The following CPSF7 variants were observed in gnomAD, a reference collection of about 807,000 sequenced individuals.
The protein encoded by CPSF7 is cleavage and polyadenylation specificity factor subunit 7.
Under a neutral mutation model 44.3 loss-of-function variants are expected in CPSF7, and 1 was observed. That is an observed-to-expected ratio of 0.02 (90% confidence interval 0.01 to 0.11). The LOEUF is 0.11. Among genes scored for constraint, CPSF7 ranks in the 10% least tolerant of loss-of-function variants. The pLI, the probability that CPSF7 is intolerant of heterozygous loss-of-function variation, is 1.00. For missense variants in CPSF7, 443 were observed against 607.2 expected, an observed-to-expected ratio of 0.73 and a Z score of 2.84; for synonymous variants, 202 against 222.0, an observed-to-expected ratio of 0.91 and a Z score of 0.80.
intron 9 of CPSF7, among the ~76,000 whole-genome samples, chr11:61,405,389 A>G (rs1859217694): frequency 6.6e-6 from 1 of 152,230 alleles, no homozygotes; most frequent in South Asian, 2.1e-4. Context: ...CATGACAGCC[A>G]TAGGTGAGGA....
intron 6 of CPSF7, 158 bp from the exon 7 acceptor site, chr11:61,415,942 G>T: frequency 1.2e-6 from 1 of 825,516 alleles, no homozygotes; most frequent in African/African-American, 1.7e-5. Context: ...CCTTAAAAAG[G>T]GGTATAAAGG....
At chr11:61,427,581 AGGC>A (rs1590745656) in intron 2 of CPSF7, among the ~76,000 whole-genome samples, 1 of 148,742 alleles carries the variant, frequency 6.7e-6, no homozygotes, top group East Asian at 2.1e-4. Context: ...TTAACCTGGG[AGGC>A]AGAGGTTGCA....
chr11:61,410,953 C>T lies in CPSF7; in HGVS notation c.1379G>A (p.Arg460Gln), dbSNP rs866029603. The T allele has an allele frequency of 3.1e-6, 5 of 1,608,764 alleles. No individual in the cohort carries two copies. The highest frequency in any genetic ancestry group is 4.5e-5 in the East Asian group (2 of 44,592). ...TTCTCCCCACCTTTCTCAGTGGTGC[C>T]GGTCCCGTTCTCTATCCCGGTGTCT... ...HERHRDRERD[R>Q]HH Residue 460 changes from arginine (R) to glutamine (Q), a missense_variant, in exon 9 of 10, where the codon CGG (arginine) becomes CAG (glutamine). Physicochemically the swap from Arg to Gln is conservative, Grantham distance 43 (BLOSUM62 1). Transcript: ENST00000439958.
intron 7 of CPSF7, 26 bp downstream of exon 7, chr11:61,415,640 G>T: frequency 7.1e-7 from 1 of 1,414,454 alleles, no homozygotes; most frequent in Non-Finnish European, 1.0e-6. Flanking sequence ...TTAAGGAGAA[G>T]GCAGCAAAGG....
intron 5 of CPSF7, among the ~76,000 whole-genome samples, chr11:61,417,104 A>C (rs1860405754): frequency 6.6e-6 from 1 of 152,196 alleles, no homozygotes; most frequent in Non-Finnish European, 1.5e-5. Flanking sequence ...AAGACTAGAC[A>C]ACTGGAGGTT....
chr11:61,429,789 A>G, intron 1 of CPSF7, 125 bp downstream of exon 1: 2 of 1,547,356 alleles, frequency 1.3e-6, no homozygotes. Flanking sequence ...CTCCCTCAAA[A>G]GGCCCGCGAC....
In CPSF7 at chr11:61,403,225, G is replaced by A. The variant is rs1342907475; in HGVS notation, c.*1485C>T. ...CAGAGGACGGGTTTAGTCCAATTCAGTCTCTCTCCTCTGACCCAGAAGGGT... is the reference window on the plus strand; with the variant it reads ...CAGAGGACGGGTTTAGTCCAATTCAATCTCTCTCCTCTGACCCAGAAGGGT... On this transcript the variant is annotated 3_prime_UTR_variant, in exon 10 of 10. Coordinates refer to ENST00000439958, the MANE Select transcript of CPSF7 (RefSeq NM_001142565.3). 1 of 152,286 alleles carries A rather than the reference G, an allele frequency of 6.6e-6. No homozygotes were observed. Among genetic ancestry groups the A allele is most frequent in the Admixed American group, 6.5e-5 (1 of 15,268 alleles). The allele number at this position is 152,286 out of a possible 1,614,324, so 9.4% of individuals were successfully genotyped here.
intron 7 of CPSF7, 43 bp downstream of exon 7, chr11:61,415,623 G>A: frequency 1.5e-6 from 2 of 1,297,202 alleles, no homozygotes; most frequent in Non-Finnish European, 2.2e-6. Context: ...GGAAAAAAAA[G>A]TAAAGGTTAA....
At chr11:61,411,257 A>T in intron 8 of CPSF7, 152 bp from the exon 9 acceptor site, 1 of 705,604 alleles carries the variant, frequency 1.4e-6, no homozygotes, top group Non-Finnish European at 2.2e-6. Context: ...TTTGAGGACT[A>T]CTCTTTTTTG....
chr11:61,423,169 C>CTTTTT (rs35043745), intron 2 of CPSF7, among the ~76,000 whole-genome samples: 3 of 60,806 alleles, frequency 4.9e-5, no homozygotes, highest in East Asian at 7.2e-4. Context: ...TCAGAGAAAT[C>CTTTTT]TTTTTTTTTT....
At position 61,411,956 on chromosome 11, in the gene CPSF7, G is replaced by GA. The variant is rs1465727649; in HGVS notation, c.1058-20dup. The GA allele has an allele frequency of 6.2e-7, 1 of 1,612,332 alleles. No homozygotes were observed. The highest frequency in any genetic ancestry group is 1.3e-5 in the African/African-American group (1 of 74,902). The stretch of plus-strand genomic sequence containing the variant: ...TAATCCCCTGATAAAGGATGAAGGA[G>GA]AAAGGCCAAGGGTGAGGAGAGATGG... On this transcript the variant is annotated intron_variant, in intron 7 of 9. Coordinates refer to ENST00000439958, the MANE Select transcript of CPSF7 (RefSeq NM_001142565.3).
At chr11:61,416,819 T>A (rs1214777625) in intron 5 of CPSF7, among the ~76,000 whole-genome samples, 1 of 152,222 alleles carries the variant, frequency 6.6e-6, no homozygotes, top group African/African-American at 2.4e-5. Context: ...TTTTTAAATG[T>A]AGAAGGATCC....
rs1860034578 is a variant in CPSF7, at chr11:61,413,505, C to T, written c.1058-1568G>A. On this transcript the variant is annotated intron_variant, in intron 7 of 9. Coordinates refer to ENST00000439958, the MANE Select transcript of CPSF7 (RefSeq NM_001142565.3). ...AACTAGCTAGGCAGTGTGGCATGCA[C>T]CTGTAATGCCAGTTATTTGGGGGGC... Among the ~76,000 whole-genome samples the T allele has an allele frequency of 2.0e-5, 3 of 151,974 alleles. No homozygotes were observed. The South Asian group carries it at 6.2e-4, about 32-fold the overall frequency.
At chr11:61,415,600 A>C (rs188360015) in intron 7 of CPSF7, 66 bp downstream of exon 7, 1 of 1,057,888 alleles carries the variant, frequency 9.5e-7, no homozygotes, top group East Asian at 2.4e-5. Flanking sequence ...TGCCAGTAGA[A>C]ATGACAAAAT....
At position 61,429,703 on chromosome 11, in the gene CPSF7, C is replaced by T. The variant is rs549526936; in HGVS notation, c.-56+211G>A. The T allele has an allele frequency of 3.9e-5, 60 of 1,525,874 alleles. No homozygotes were observed. In the Admixed American group the frequency reaches 5.3e-4, roughly 14 times the overall value. The allele number at this position is 1,525,874 out of a possible 1,614,324, so 94.5% of individuals were successfully genotyped here. Reference sequence around the variant, plus strand: ...CAGCTCCAGCCGCCTCTGCCCCCAACCCAGGCCTACTCTTCGCCCCCAGCT... The same window carrying T: ...CAGCTCCAGCCGCCTCTGCCCCCAATCCAGGCCTACTCTTCGCCCCCAGCT... On this transcript the variant is annotated intron_variant, in intron 1 of 9. Transcript: ENST00000439958.
rs79229734 is a variant in CPSF7, at chr11:61,415,594, A to C, written c.1057+72T>G. On this transcript the variant is annotated intron_variant, in intron 7 of 9. Coordinates refer to ENST00000439958, the MANE Select transcript of CPSF7 (RefSeq NM_001142565.3). Reference sequence around the variant, plus strand: ...AACTTTATCTTGTTGAACTTTTGCCAGTAGAAATGACAAAATCAGGAAAAA... The same window carrying C: ...AACTTTATCTTGTTGAACTTTTGCCCGTAGAAATGACAAAATCAGGAAAAA... 1.0e-3 allele frequency: 983 copies of C among 984,562 alleles called. 10 individuals carry two copies. In the East Asian group the frequency reaches 0.019, roughly 19 times the overall value. The allele number at this position is 984,562 out of a possible 1,614,324, so 61.0% of individuals were successfully genotyped here.
chr11:61,429,454 C>A, intron 1 of CPSF7, 164 bp from the exon 2 acceptor site: 2 of 518,042 alleles, frequency 3.9e-6, no homozygotes, highest in South Asian at 5.4e-5. Flanking sequence ...GCCCACCGCT[C>A]TCCCAGGCCG....
chr11:61,423,706 A>T (rs1038541200), intron 2 of CPSF7, among the ~76,000 whole-genome samples: 1 of 152,226 alleles, frequency 6.6e-6, no homozygotes, highest in Non-Finnish European at 1.5e-5. Flanking sequence ...CTCCAAGGCA[A>T]CTAAAGACAG....
intron 3 of CPSF7, chr11:61,420,806 C>A: frequency 1.8e-6 from 1 of 571,258 alleles, no homozygotes. Flanking sequence ...CTTATTGTAA[C>A]TTTGACTGCC....
Sources: gnomAD v4.1 joint callset for allele counts (sites outside exome capture counted in the v4.1 genomes callset) on GRCh38, gnomAD v4.1.1 for gene constraint, MANE v1.5 for transcripts, NCBI Gene and HGNC (gene_info 2026-07-23, HGNC 2026-07-21) for gene names.